Variants in ZNHIT6 observed in about 807,000 individuals in gnomAD.
ZNHIT6 encodes the protein box C/D snoRNA protein 1.
In ZNHIT6, 45 loss-of-function variants were observed where a neutral mutation model predicts 57.2. That is an observed-to-expected ratio of 0.79 (90% confidence interval 0.62 to 1.01). The LOEUF is 1.01. Among genes scored for constraint, ZNHIT6 ranks in the 50% least tolerant of loss-of-function variants. The pLI, the probability that ZNHIT6 is intolerant of heterozygous loss-of-function variation, is 0.00. For synonymous variants in ZNHIT6, 188 were observed against 190.0 expected, an observed-to-expected ratio of 0.99 and a Z score of 0.09; for missense variants, 528 against 567.3, an observed-to-expected ratio of 0.93 and a Z score of 0.70.
rs1299490356 is a variant in ZNHIT6 at position 85,691,846 on chromosome 1, A to G, written c.1019+10311T>C. On this transcript the variant is annotated intron_variant, in intron 5 of 9. Coordinates refer to ENST00000370574, the MANE Select transcript of ZNHIT6 (RefSeq NM_017953.4). ...GATTGCAGAGCGCTAAGATCACGCC[A>G]CTAACTACAGCCTGGGTGACAGAGT... 7.2e-5 allele frequency among the ~76,000 whole-genome samples: 11 copies of G among 152,104 alleles called. 1 individual carries two copies. The highest frequency in any genetic ancestry group is 7.2e-4 in the Admixed American group (11 of 15,276).
intron 5 of ZNHIT6, 131 bp downstream of exon 5, chr1:85,702,026 C>T (rs1310251650): frequency 1.6e-6 from 1 of 628,922 alleles, no homozygotes; most frequent in African/African-American, 1.9e-5. Flanking sequence ...CTACAGTTAT[C>T]TTGTCATGGA....
chr1:85,666,778 T>C (rs1661382686), intron 8 of ZNHIT6, among the ~76,000 whole-genome samples: 1 of 152,208 alleles, frequency 6.6e-6, no homozygotes, highest in African/African-American at 2.4e-5. Context: ...CCACTTGACA[T>C]ATTCCCTTTC....
At chr1:85,673,990 T>C (rs1400667491) in intron 8 of ZNHIT6, among the ~76,000 whole-genome samples, 3 of 152,232 alleles carry the variant, frequency 2.0e-5, no homozygotes, top group African/African-American at 7.2e-5. Context: ...GCTGACCTAA[T>C]AATCAGAAAT....
chr1:85,702,095 A>T (rs1472218225), intron 5 of ZNHIT6, 62 bp downstream of exon 5: 4 of 1,190,456 alleles, frequency 3.4e-6, no homozygotes, highest in Non-Finnish European at 4.8e-6. Context: ...TAGCAACCAA[A>T]CCTTAAAGAA....
rs764702379 is a variant in ZNHIT6, at chr1:85,708,064, T to C, written c.221A>G (p.Asp74Gly). The part of the protein sequence containing the change: ...SGQRPEEIPM[D>G]LTVVKQEIID... The stretch of plus-strand genomic sequence containing the variant: ...AATTTCCTGCTTCACTACCGTTAGG[T>C]CCATCGGTATTTCCTCTGGCCTTTG... Residue 74 changes from aspartate to glycine, a missense_variant, in exon 1 of 10, where the codon GAC becomes GGC. Coordinates refer to ENST00000370574, the MANE Select transcript of ZNHIT6 (RefSeq NM_017953.4). 5 of 1,613,982 alleles carry C rather than the reference T, an allele frequency of 3.1e-6. No individual in the cohort carries two copies. The East Asian group carries it at 1.1e-4, about 36-fold the overall frequency.
chr1:85,686,909 G>C (rs2100693352), intron 5 of ZNHIT6, among the ~76,000 whole-genome samples: 1 of 151,982 alleles, frequency 6.6e-6, no homozygotes, highest in South Asian at 2.1e-4. Flanking sequence ...CTGTACCTCA[G>C]GCTTCTCATA....
chr1:85,692,759 C>T (rs778578869), intron 5 of ZNHIT6, among the ~76,000 whole-genome samples: 2 of 150,666 alleles, frequency 1.3e-5, no homozygotes, highest in Non-Finnish European at 2.9e-5. Flanking sequence ...AAGTACATTA[C>T]CACATAACTG....
intron 4 of ZNHIT6, among the ~76,000 whole-genome samples, chr1:85,704,473 TG>T (rs1261369139): frequency 6.6e-6 from 1 of 152,184 alleles, no homozygotes; most frequent in Non-Finnish European, 1.5e-5. Flanking sequence ...AAGGGTGGCA[TG>T]GAACTTCTGG....
Position 85,665,022 on chromosome 1 carries a change from G to A in ZNHIT6, c.1248-7051C>T, listed in dbSNP as rs1246437894. ...AATGTTTGTATGTTTAGTAGAGACAGGTTTCACTATGTTGGCCAGGCTGGT... is the reference window on the plus strand; with the variant it reads ...AATGTTTGTATGTTTAGTAGAGACAAGTTTCACTATGTTGGCCAGGCTGGT... On this transcript the variant is annotated intron_variant, in intron 8 of 9. Transcript: ENST00000370574. Among the ~76,000 whole-genome samples the A allele has an allele frequency of 2.0e-5, 3 of 151,992 alleles. No individual in the cohort carries two copies. The East Asian group carries it at 5.8e-4, about 29-fold the overall frequency.
At chr1:85,678,592 T>G in intron 7 of ZNHIT6, 109 bp downstream of exon 7, 1 of 729,624 alleles carries the variant, frequency 1.4e-6, no homozygotes, top group African/African-American at 1.9e-5. Flanking sequence ...GAAAATGTGA[T>G]AGAAAGTAAA....
chr1:85,703,130 A>C (rs772502279), intron 4 of ZNHIT6, among the ~76,000 whole-genome samples: 2 of 152,182 alleles, frequency 1.3e-5, no homozygotes, highest in Non-Finnish European at 2.9e-5. Flanking sequence ...AGTGATAATT[A>C]TAATAATTCT....
chr1:85,706,497 A>G lies in ZNHIT6; in HGVS notation c.667T>C (p.Cys223Arg), dbSNP rs1433627368. 1 of 1,577,958 alleles carries G rather than the reference A, an allele frequency of 6.3e-7. No individual in the cohort carries two copies. Among genetic ancestry groups the G allele is most frequent in the East Asian group, 2.3e-5 (1 of 44,406 alleles). Residue 223 changes from cysteine to arginine, a missense_variant, in exon 2 of 10, where the codon TGT (cysteine) becomes CGT (arginine). Transcript: ENST00000370574. ...RKLAMSRCETCGTEEAKYRCP... is the reference protein window; with the variant it reads ...RKLAMSRCETRGTEEAKYRCP... ...CTGTACTTTGCTTCTTCTGTACCAC[A>G]AGTCTCACACCTACAAAAGCCCACA...
rs151324981 is a variant in ZNHIT6 at position 85,659,552 on chromosome 1, T to A, written c.1248-1581A>T. On this transcript the variant is annotated intron_variant, in intron 8 of 9. Transcript: ENST00000370574. ...AAAAAGCACACTGGAACACAAGTGA[T>A]CAAGAGTGAGGTTATCATTGGGATA... 7.9e-5 allele frequency among the ~76,000 whole-genome samples: 12 copies of A among 152,308 alleles called. No individual in the cohort carries two copies. The East Asian group carries it at 2.3e-3, about 29-fold the overall frequency.
intron 6 of ZNHIT6, among the ~76,000 whole-genome samples, chr1:85,679,605 G>C (rs1438218093): frequency 7.5e-6 from 1 of 134,142 alleles, no homozygotes; most frequent in African/African-American, 2.8e-5. Flanking sequence ...TTGTTGTTGA[G>C]ACAGAGTCTT....
At chr1:85,701,960 A>G (rs1557874761) in intron 5 of ZNHIT6, among the ~76,000 whole-genome samples, 197 bp downstream of exon 5, 6 of 150,594 alleles carry the variant, frequency 4.0e-5, no homozygotes, top group Admixed American at 2.0e-4. Context: ...ACACACACAC[A>G]CACACGCACA....
chr1:85,702,866 C>T (rs1662575788), intron 4 of ZNHIT6, among the ~76,000 whole-genome samples: 1 of 152,008 alleles, frequency 6.6e-6, no homozygotes, highest in Non-Finnish European at 1.5e-5. Context: ...CTGGGCAATT[C>T]CAGAGTTATG....
intron 8 of ZNHIT6, among the ~76,000 whole-genome samples, chr1:85,674,792 G>A (rs1261291737): frequency 6.6e-6 from 1 of 152,088 alleles, no homozygotes; most frequent in Non-Finnish European, 1.5e-5. Context: ...CCTACTAAGA[G>A]AATATCTCTG....
intron 1 of ZNHIT6, 57 bp from the exon 2 acceptor site, chr1:85,706,564 A>T: frequency 7.1e-7 from 1 of 1,398,672 alleles, no homozygotes; most frequent in South Asian, 1.6e-5. Context: ...TTTATTTATA[A>T]ACTTAGAATT....
rs753902884 is a variant in ZNHIT6 at position 85,707,721 on chromosome 1, G to A, written c.564C>T (p.Phe188=). The part of the protein sequence containing the change: ...HGECVKEEKD[F]LKKEIVDDTK... ...TATCATCCACGATTTCTTTCTTCAG[G>A]AAATCCTTCTCTTCTTTTACACACT... The change falls in exon 1 of 10, where the codon TTC becomes TTT. Residue 188 remains phenylalanine (F), a synonymous_variant. Coordinates refer to ENST00000370574, the MANE Select transcript of ZNHIT6 (RefSeq NM_017953.4). 4 of 1,612,332 alleles carry A rather than the reference G, an allele frequency of 2.5e-6. No homozygotes were observed. Among genetic ancestry groups the A allele is most frequent in the East Asian group, 4.5e-5 (2 of 44,862 alleles).
Sources: allele counts gnomAD v4.1 joint callset (sites outside exome capture counted in the v4.1 genomes callset), GRCh38; gene constraint gnomAD v4.1.1; transcripts MANE v1.5; gene names NCBI Gene and HGNC (gene_info 2026-07-23, HGNC 2026-07-21).